Variants in ANKRD54 observed in about 807,000 individuals in gnomAD.
ANKRD54 encodes ankyrin repeat domain 54, also known as ankyrin repeat domain-containing protein 54.
Under a neutral mutation model 36.2 loss-of-function variants are expected in ANKRD54, and 26 were observed. The ratio of observed to expected loss-of-function variants is 0.72; its 90% CI spans 0.53 to 1.00. The LOEUF (loss-of-function observed/expected upper bound fraction) is 1.00. ANKRD54 is among the 50% of genes least tolerant of loss of function. The pLI, the probability that ANKRD54 is intolerant of heterozygous loss-of-function variation, is 0.00. For missense variants in ANKRD54, 384 were observed against 424.3 expected (o/e 0.91, Z 0.83); for synonymous variants, 209 against 188.4 (o/e 1.11, Z -0.89).
rs564765318 is a variant in ANKRD54, at chr22:37,838,663, C to T, written c.377-65G>A. On this transcript the variant is annotated intron_variant, in intron 2 of 7. Coordinates refer to ENST00000215941, the MANE Select transcript of ANKRD54 (RefSeq NM_138797.4). ...GGCGATGTTAGCTAAGCTGCAGACCCGAGCGATGGAGAGGGAGGCTCAGGG... is the reference window on the plus strand; with the variant it reads ...GGCGATGTTAGCTAAGCTGCAGACCTGAGCGATGGAGAGGGAGGCTCAGGG... 374 of 1,514,944 alleles carry T rather than the reference C, an allele frequency of 2.5e-4. No individual in the cohort carries two copies. In the African/African-American group the frequency reaches 4.6e-3, roughly 19 times the overall value. The allele number at this position is 1,514,944 out of a possible 1,614,324, so 93.8% of individuals were successfully genotyped here. A position where few individuals can be genotyped will look rare whatever the true frequency, so the allele number is the denominator to read the frequency against.
intron 2 of ANKRD54, among the ~76,000 whole-genome samples, chr22:37,839,175 C>G (rs917405217): frequency 1.1e-4 from 16 of 150,570 alleles, no homozygotes; most frequent in African/African-American, 3.9e-4. Flanking sequence ...ACACCCGGCC[C>G]GAAAAAATGT....
intron 7 of ANKRD54, among the ~76,000 whole-genome samples, chr22:37,832,224 A>G (rs752087360): frequency 3.9e-5 from 6 of 152,150 alleles, no homozygotes; most frequent in Non-Finnish European, 8.8e-5. Flanking sequence ...CCATGAACAC[A>G]CACTAGCCAC....
rs540045264 is a variant in ANKRD54 at position 37,836,567 on chromosome 22, C to T, written c.475+1933G>A. ...GGGAACATCACATACCAGGGCCTGT[C>T]GGGGGGTGGGGGCCAAGGGGAGGGA... On this transcript the variant is annotated intron_variant, in intron 3 of 7. Transcript: ENST00000215941. Among the ~76,000 whole-genome samples, 28 of 129,702 alleles carry T rather than the reference C, an allele frequency of 2.2e-4. No homozygotes were observed. In the South Asian group the frequency reaches 7.2e-3, roughly 33 times the overall value. 85.1% of individuals were successfully genotyped at this position (129,702 alleles called of 152,430 possible). A position where few individuals can be genotyped will look rare whatever the true frequency, so the allele number is the denominator to read the frequency against.
In ANKRD54 at chr22:37,843,932, G is replaced by A. The variant is rs779353203; in HGVS notation, c.307C>T (p.Pro103Ser). ...TCACCGTGCACCTCCTTGCCCGTGG[G>A]CCCGAGCCGCCGGTGGGGCCTGGCA... ...RAARPHRRLG[P>S]TGKEVHALKR... The change falls in exon 1 of 8, where the codon CCC becomes TCC. Residue 103 changes from proline (P) to serine (S), a missense_variant. Around this residue, in one of 3 missense-constraint regions of ANKRD54, gnomAD observed 195 missense variants for 177.7 expected, o/e 1.10. Coordinates refer to ENST00000215941, the MANE Select transcript of ANKRD54 (RefSeq NM_138797.4). The A allele has an allele frequency of 1.5e-6, 2 of 1,360,000 alleles. No individual in the cohort carries two copies. The highest frequency in any genetic ancestry group is 9.4e-7 in the Non-Finnish European group (1 of 1,059,334). 84.2% of individuals were successfully genotyped at this position (1,360,000 alleles called of 1,614,324 possible). A position where few individuals can be genotyped will look rare whatever the true frequency, so the allele number is the denominator to read the frequency against.
intron 3 of ANKRD54, among the ~76,000 whole-genome samples, chr22:37,836,207 G>C (rs536980654): frequency 1.3e-5 from 2 of 150,466 alleles, no homozygotes; most frequent in East Asian, 4.0e-4. Context: ...AGCGCTATGG[G>C]AGGCCGAGGC....
intron 1 of ANKRD54, among the ~76,000 whole-genome samples, chr22:37,841,443 T>A (rs957788943): frequency 1.5e-4 from 23 of 151,850 alleles, no homozygotes; most frequent in African/African-American, 5.1e-4. Context: ...GGAGAATCGC[T>A]TAAGCCCAGG....
rs1452659869 is a variant in ANKRD54 at position 37,838,591 on chromosome 22, C to T, written c.384G>A (p.Gln128=). The T allele has an allele frequency of 1.2e-6, 2 of 1,609,160 alleles. No homozygotes were observed. Among genetic ancestry groups the T allele is most frequent in the Admixed American group, 1.7e-5 (1 of 59,634 alleles). The change falls in exon 3 of 8, where the codon CAG becomes CAA. Residue 128 remains glutamine, a synonymous_variant. Coordinates refer to ENST00000215941, the MANE Select transcript of ANKRD54 (RefSeq NM_138797.4). ...ANANDVETVQ[Q]LLEDGADPCA... ...AGGGATCCGCGCCATCTTCCAGCAG[C>T]TGCTGCACTGACACCACCAAGACAG...
upstream of ANKRD54, chr22:37,849,277 C>T (rs755741098): frequency 3.8e-6 from 3 of 789,280 alleles, no homozygotes; most frequent in Non-Finnish European, 6.6e-6. Flanking sequence ...CAGGTGTGAG[C>T]CACGGAACGC....
Position 37,831,838 on chromosome 22 carries a change from C to T in ANKRD54, c.*105G>A, listed in dbSNP as rs537783871. ...TCTGCGGGTGAGGGCAAGGTCCTCA[C>T]CAGACAAGTGCAGCTCCAAGTCCCA... On this transcript the variant is annotated 3_prime_UTR_variant, in exon 8 of 8. Coordinates refer to ENST00000215941, the MANE Select transcript of ANKRD54 (RefSeq NM_138797.4). 4.4e-5 allele frequency: 56 copies of T among 1,264,506 alleles called. No homozygotes were observed. The highest frequency in any genetic ancestry group is 1.8e-4 in the Admixed American group (9 of 48,990). The allele number at this position is 1,264,506 out of a possible 1,614,324, so 78.3% of individuals were successfully genotyped here.
chr22:37,839,133 C>T (rs1353966830), intron 2 of ANKRD54, among the ~76,000 whole-genome samples: 2 of 152,104 alleles, frequency 1.3e-5, no homozygotes, highest in African/African-American at 2.4e-5. Flanking sequence ...CTTCAGCCTC[C>T]CAAAGTGCTG....
At chr22:37,839,228 T>C (rs1000890007) in intron 2 of ANKRD54, among the ~76,000 whole-genome samples, 5 of 152,060 alleles carry the variant, frequency 3.3e-5, no homozygotes, top group African/African-American at 1.2e-4. Flanking sequence ...CATGTGTATA[T>C]AGCAGTTTGC....
intron 1 of ANKRD54, 73 bp from the exon 2 acceptor site, chr22:37,840,307 C>T (rs1331500113): frequency 5.8e-6 from 9 of 1,555,794 alleles, no homozygotes; most frequent in Non-Finnish European, 7.9e-6. Context: ...GCCTATAATC[C>T]CAGCACTCTG....
At chr22:37,837,410 G>C (rs895045295) in intron 3 of ANKRD54, among the ~76,000 whole-genome samples, 1 of 152,204 alleles carries the variant, frequency 6.6e-6, no homozygotes, top group African/African-American at 2.4e-5. Context: ...ACAAATGTCC[G>C]TCAATAGTAG....
chr22:37,838,413 G>T, intron 3 of ANKRD54, 87 bp downstream of exon 3: 1 of 1,312,662 alleles, frequency 7.6e-7, no homozygotes, highest in Non-Finnish European at 1.1e-6. Flanking sequence ...GCATCCCAAG[G>T]CTGTGCAGAC....
intron 3 of ANKRD54, among the ~76,000 whole-genome samples, chr22:37,835,893 G>A (rs1221966988): frequency 6.6e-6 from 1 of 152,120 alleles, no homozygotes; most frequent in Non-Finnish European, 1.5e-5. Flanking sequence ...AGTCTGGAGT[G>A]CAGTCACGCG....
intron 3 of ANKRD54, 150 bp downstream of exon 3, chr22:37,838,350 G>A (rs1923797402): frequency 4.2e-6 from 3 of 712,298 alleles, no homozygotes; most frequent in South Asian, 2.0e-5. Context: ...CTAACAGAGG[G>A]AGAAGGGCAG....
chr22:37,842,319 A>G (rs552690254), intron 1 of ANKRD54, among the ~76,000 whole-genome samples: 4 of 152,324 alleles, frequency 2.6e-5, no homozygotes, highest in Non-Finnish European at 5.9e-5. Flanking sequence ...CGGAGCTAGT[A>G]CAAAGGCCAC....
upstream of ANKRD54, among the ~76,000 whole-genome samples, chr22:37,846,229 T>G (rs1201959266): frequency 1.3e-5 from 2 of 152,176 alleles, no homozygotes; most frequent in African/African-American, 4.8e-5. Flanking sequence ...ACTTCCAGAA[T>G]TTTCAGTGTT....
At chr22:37,832,907 C>G in intron 6 of ANKRD54, 51 bp downstream of exon 6, 2 of 1,608,518 alleles carry the variant, frequency 1.2e-6, no homozygotes, top group South Asian at 2.2e-5. Context: ...AGGGCAGCAT[C>G]TGTCCAGTGC....
Sources: allele counts gnomAD v4.1 joint callset (sites outside exome capture counted in the v4.1 genomes callset), GRCh38; gene constraint gnomAD v4.1.1; regional missense constraint gnomAD v4.1.1; transcripts MANE v1.5; gene names NCBI Gene and HGNC (gene_info 2026-07-23, HGNC 2026-07-21).